UBE2R2: variants seen among roughly 807,000 people sequenced by gnomAD.
UBE2R2 encodes ubiquitin-conjugating enzyme E2 R2.
UBE2R2 carries 1 observed loss-of-function variant against 27.8 expected under a neutral mutation model. The ratio of observed to expected loss-of-function variants is 0.04; its 90% CI spans 0.01 to 0.17. UBE2R2 has a LOEUF of 0.17. UBE2R2 is among the 10% of genes least tolerant of loss of function. The pLI is 1.00. For missense variants in UBE2R2, 100 were observed against 291.0 expected, an observed-to-expected ratio of 0.34 and a Z score of 4.78; for synonymous variants, 106 against 113.3, an observed-to-expected ratio of 0.94 and a Z score of 0.41.
chr9:33,825,907 C>T (rs1018942096), intron 1 of UBE2R2, among the ~76,000 whole-genome samples: 17 of 152,064 alleles, frequency 1.1e-4, no homozygotes, highest in African/African-American at 2.2e-4. Context: ...TTTTGGGAGG[C>T]GGAGGTGGGC....
intron 1 of UBE2R2, among the ~76,000 whole-genome samples, chr9:33,880,650 T>C (rs1587465731): frequency 2.0e-5 from 3 of 152,194 alleles, no homozygotes; most frequent in Admixed American, 1.3e-4. Flanking sequence ...TTTTGTCTCC[T>C]TGTACTTTAA....
At chr9:33,842,794 T>A (rs946392640) in intron 1 of UBE2R2, among the ~76,000 whole-genome samples, 1 of 152,122 alleles carries the variant, frequency 6.6e-6, no homozygotes, top group African/African-American at 2.4e-5. Flanking sequence ...AATTGCACAG[T>A]TAACTGGATT....
intron 1 of UBE2R2, among the ~76,000 whole-genome samples, chr9:33,883,728 A>AG (rs1283688064): frequency 4.0e-5 from 6 of 151,206 alleles, no homozygotes; most frequent in Admixed American, 1.3e-4. Context: ...AAAAAAAAAA[A>AG]AAAGAAATAA....
intron 4 of UBE2R2, among the ~76,000 whole-genome samples, chr9:33,913,609 A>C (rs1351356778): frequency 6.6e-6 from 1 of 152,124 alleles, no homozygotes; most frequent in Admixed American, 6.5e-5. Flanking sequence ...TAGAGACCCC[A>C]AATACAGTTA....
At chr9:33,903,249 T>A (rs948855812) in intron 3 of UBE2R2, among the ~76,000 whole-genome samples, 3 of 152,208 alleles carry the variant, frequency 2.0e-5, no homozygotes, top group Admixed American at 6.5e-5. Flanking sequence ...TTTTGGATGA[T>A]TTGTTGAAAA....
chr9:33,892,047 C>G (rs1472331296), intron 2 of UBE2R2, among the ~76,000 whole-genome samples: 1 of 152,096 alleles, frequency 6.6e-6, no homozygotes, highest in African/African-American at 2.4e-5. Context: ...TTGTGAAATT[C>G]ATTAGTATCA....
intron 1 of UBE2R2, among the ~76,000 whole-genome samples, chr9:33,878,443 T>C (rs1821662487): frequency 6.6e-6 from 1 of 152,086 alleles, no homozygotes; most frequent in African/African-American, 2.4e-5. Flanking sequence ...GGTGAAACCC[T>C]GTCCCTACAA....
chr9:33,847,222 G>T (rs561669451), intron 1 of UBE2R2, among the ~76,000 whole-genome samples: 1 of 151,866 alleles, frequency 6.6e-6, no homozygotes, highest in South Asian at 2.1e-4. Context: ...TCTGCCTCCC[G>T]AGTAGCTGGG....
At position 33,912,480 on chromosome 9, in the gene UBE2R2, C is replaced by T. The variant is rs146136935; in HGVS notation, c.497+382C>T. Among the ~76,000 whole-genome samples, 1,266 of 152,018 alleles carry T rather than the reference C, an allele frequency of 8.3e-3. 15 individuals carry two copies. Among genetic ancestry groups the T allele is most frequent in the African/African-American group, 0.028 (1,163 of 41,456 alleles). On this transcript the variant is annotated intron_variant, in intron 4 of 4. Coordinates refer to ENST00000263228, the MANE Select transcript of UBE2R2 (RefSeq NM_017811.4). ...CTCTACTAAAAATACAAAAATTAGC[C>T]AGGTGTGGTGGTGCACACCTGTCAT...
chr9:33,822,427 T>G (rs1587422140), intron 1 of UBE2R2, among the ~76,000 whole-genome samples: 1 of 47,788 alleles, frequency 2.1e-5, no homozygotes, highest in African/African-American at 9.5e-5. Context: ...CTTCAAAACC[T>G]TTTTTTTTTT....
chr9:33,899,437 C>T (rs191830086), intron 2 of UBE2R2, among the ~76,000 whole-genome samples: 47 of 151,748 alleles, frequency 3.1e-4, no homozygotes, highest in African/African-American at 1.0e-3. Flanking sequence ...TGCATTGGCG[C>T]GATCTTGGCT....
intron 3 of UBE2R2, among the ~76,000 whole-genome samples, chr9:33,911,570 G>A (rs10971786): frequency 6.6e-6 from 1 of 151,916 alleles, no homozygotes; most frequent in Non-Finnish European, 1.5e-5. Context: ...AAGCTTCTAA[G>A]ACATCTGCTT....
intron 2 of UBE2R2, among the ~76,000 whole-genome samples, chr9:33,898,220 C>T (rs981317763): frequency 7.3e-5 from 11 of 151,544 alleles, no homozygotes; most frequent in African/African-American, 2.4e-4. Flanking sequence ...TGAGTAGCTG[C>T]GATTACAGGT....
At chr9:33,884,742 A>G (rs1255583470) in intron 1 of UBE2R2, among the ~76,000 whole-genome samples, 1 of 151,882 alleles carries the variant, frequency 6.6e-6, no homozygotes, top group Non-Finnish European at 1.5e-5. Context: ...TAACTTGAAT[A>G]CTTAGGTTTC....
intron 1 of UBE2R2, among the ~76,000 whole-genome samples, chr9:33,825,290 G>A (rs1273065895): frequency 7.1e-6 from 1 of 140,006 alleles, no homozygotes; most frequent in African/African-American, 2.8e-5. Flanking sequence ...TACCCAAGCT[G>A]GAGTGCAGTG....
At chr9:33,887,284 A>AATTT (rs1821881210) in intron 2 of UBE2R2, among the ~76,000 whole-genome samples, 1 of 152,184 alleles carries the variant, frequency 6.6e-6, no homozygotes, top group Non-Finnish European at 1.5e-5. Context: ...ATGTAATATA[A>AATTT]ATTTATTTGT....
chr9:33,886,468 A>C (rs1367979997), intron 1 of UBE2R2, among the ~76,000 whole-genome samples: 2 of 152,096 alleles, frequency 1.3e-5, no homozygotes, highest in African/African-American at 4.8e-5. Context: ...CATCCTGGCC[A>C]ACATGGTGAA....
At chr9:33,820,963 A>AT (rs1387287045) in intron 1 of UBE2R2, among the ~76,000 whole-genome samples, 4 of 152,180 alleles carry the variant, frequency 2.6e-5, no homozygotes, top group African/African-American at 9.6e-5. Context: ...TTTGGGCCAT[A>AT]TAGATGTAGG....
intron 1 of UBE2R2, among the ~76,000 whole-genome samples, chr9:33,877,738 A>G (rs1821636320): frequency 6.6e-6 from 1 of 152,212 alleles, no homozygotes; most frequent in East Asian, 1.9e-4. Flanking sequence ...GCAAGTAGGT[A>G]AAAGAGGTAA....
Sources: allele counts gnomAD v4.1 joint callset (sites outside exome capture counted in the v4.1 genomes callset), GRCh38; gene constraint gnomAD v4.1.1; transcripts MANE v1.5; gene names NCBI Gene and HGNC (gene_info 2026-07-23, HGNC 2026-07-21).